The following CCDC73 variants were observed in gnomAD, a reference collection of about 807,000 sequenced individuals.
CCDC73 encodes the protein coiled-coil domain containing 73.
CCDC73 carries 95 observed loss-of-function variants against 116.5 expected under a neutral mutation model. That is an observed-to-expected ratio of 0.82 (90% CI 0.69 to 0.97). The LOEUF (loss-of-function observed/expected upper bound fraction) is 0.97. CCDC73 is among the 50% of genes least tolerant of loss of function. The pLI, the probability that CCDC73 is intolerant of heterozygous loss-of-function variation, is 0.00. For missense variants in CCDC73, 1,066 were observed against 1,206.8 expected (o/e 0.88, Z 1.73); for synonymous variants, 398 against 401.3 (o/e 0.99, Z 0.10).
At chr11:32,707,814 T>G (rs1849868399) in intron 3 of CCDC73, among the ~76,000 whole-genome samples, 1 of 152,168 alleles carries the variant, frequency 6.6e-6, no homozygotes, top group Non-Finnish European at 1.5e-5. Context: ...AGAATTTTTC[T>G]GGGTTTCACT....
intron 1 of CCDC73, among the ~76,000 whole-genome samples, chr11:32,783,508 C>T (rs1350991065): frequency 1.3e-5 from 2 of 152,128 alleles, no homozygotes; most frequent in African/African-American, 4.8e-5. Context: ...ATTTATTTCT[C>T]GCAGTTCTGG....
chr11:32,790,003 T>C (rs1006764181), intron 1 of CCDC73, among the ~76,000 whole-genome samples: 17 of 152,062 alleles, frequency 1.1e-4, no homozygotes, highest in African/African-American at 3.6e-4. Context: ...AAGGGTATTT[T>C]AGAGGGAAAA....
rs540144258 is a variant in CCDC73, at chr11:32,653,277, T to C, written c.835-50A>G. On this transcript the variant is annotated intron_variant, in intron 11 of 17. Transcript: ENST00000335185. Reference sequence around the variant, plus strand: ...ATTTAAAAGTTTTAAGATAGGTATGTTTCTAAAATCATTCTTCACATACAT... The same window carrying C: ...ATTTAAAAGTTTTAAGATAGGTATGCTTCTAAAATCATTCTTCACATACAT... The C allele has an allele frequency of 7.7e-6, 9 of 1,175,120 alleles. No homozygotes were observed. In the African/African-American group the frequency reaches 1.1e-4, roughly 14 times the overall value. 72.8% of individuals were successfully genotyped at this position (1,175,120 alleles called of 1,614,324 possible). A position where few individuals can be genotyped will look rare whatever the true frequency, so the allele number is the denominator to read the frequency against.
At chr11:32,706,047 G>A (rs1849852850) in intron 3 of CCDC73, among the ~76,000 whole-genome samples, 1 of 149,846 alleles carries the variant, frequency 6.7e-6, no homozygotes, top group Non-Finnish European at 1.5e-5. Context: ...GGCAAAGTGA[G>A]AACATCACAA....
intron 14 of CCDC73, among the ~76,000 whole-genome samples, chr11:32,635,172 C>T (rs527311235): frequency 1.5e-5 from 1 of 68,606 alleles, no homozygotes; most frequent in South Asian, 4.3e-4. Flanking sequence ...AGACTCAATG[C>T]CAAATAAAAC....
chr11:32,742,810 T>A (rs1049412405), intron 2 of CCDC73, among the ~76,000 whole-genome samples: 2 of 152,214 alleles, frequency 1.3e-5, no homozygotes, highest in Non-Finnish European at 2.9e-5. Flanking sequence ...AAGTCTTTGA[T>A]CCATCTTGAG....
chr11:32,784,914 C>T (rs1850613866), intron 1 of CCDC73, among the ~76,000 whole-genome samples: 1 of 152,188 alleles, frequency 6.6e-6, no homozygotes. Context: ...TGGCTCATGC[C>T]TGTAATCCCA....
intron 16 of CCDC73, 142 bp from the exon 17 acceptor site, chr11:32,611,407 C>A: frequency 1.4e-6 from 1 of 691,658 alleles, no homozygotes; most frequent in Non-Finnish European, 2.4e-6. Flanking sequence ...TGCAGTTGTC[C>A]TAGACTTTGC....
chr11:32,616,637 TGCCAG>T (rs1855477067), intron 14 of CCDC73, among the ~76,000 whole-genome samples: 1 of 152,210 alleles, frequency 6.6e-6, no homozygotes, highest in Non-Finnish European at 1.5e-5. Flanking sequence ...CTCACCACCA[TGCCAG>T]GTGAAGCAGT....
At chr11:32,638,291 A>T (rs893248060) in intron 13 of CCDC73, among the ~76,000 whole-genome samples, 3 of 152,146 alleles carry the variant, frequency 2.0e-5, no homozygotes, top group Admixed American at 2.0e-4. Flanking sequence ...TGTGTCACTT[A>T]TTTGTTTTAA....
At chr11:32,635,472 G>A (rs12275081) in intron 14 of CCDC73, among the ~76,000 whole-genome samples, 55 of 152,088 alleles carry the variant, frequency 3.6e-4, no homozygotes, top group African/African-American at 1.2e-3. Context: ...TAGTGTTTTC[G>A]ACAAATATTT....
In CCDC73 at chr11:32,755,617, G is replaced by A. The variant is rs190649068; in HGVS notation, c.135+4492C>T. Reference sequence around the variant, plus strand: ...TATATATATCCATATATATGTGTGTGTATATATATATCTCCATATATATGT... The same window carrying A: ...TATATATATCCATATATATGTGTGTATATATATATATCTCCATATATATGT... On this transcript the variant is annotated intron_variant, in intron 2 of 17. Coordinates refer to ENST00000335185, the MANE Select transcript of CCDC73 (RefSeq NM_001008391.4). Among the ~76,000 whole-genome samples the A allele has an allele frequency of 7.5e-3, 462 of 61,760 alleles. 18 individuals are homozygous for A. Among genetic ancestry groups the A allele is most frequent in the African/African-American group, 0.014 (233 of 16,580 alleles). The allele number at this position is 61,760 out of a possible 152,430, so 40.5% of individuals were successfully genotyped here.
At chr11:32,684,333 G>A (rs767738279) in intron 6 of CCDC73, among the ~76,000 whole-genome samples, 111 of 152,218 alleles carry the variant, frequency 7.3e-4, no homozygotes, top group Admixed American at 4.4e-3. Flanking sequence ...GATTACAGGT[G>A]TAAGCCACCA....
intron 2 of CCDC73, among the ~76,000 whole-genome samples, chr11:32,722,260 A>C (rs1203006405): frequency 6.6e-6 from 1 of 152,226 alleles, no homozygotes; most frequent in Non-Finnish European, 1.5e-5. Context: ...CAAGTCAGAG[A>C]ACATCTTGCA....
At chr11:32,704,072 C>T (rs1849835036) in intron 3 of CCDC73, among the ~76,000 whole-genome samples, 2 of 152,200 alleles carry the variant, frequency 1.3e-5, no homozygotes, top group Admixed American at 6.5e-5. Context: ...GCCAAGGCTA[C>T]GGCTCTGCAA....
chr11:32,777,140 C>A (rs1850544946), intron 1 of CCDC73, among the ~76,000 whole-genome samples: 1 of 145,180 alleles, frequency 6.9e-6, no homozygotes, highest in African/African-American at 2.5e-5. Context: ...CCTCTGTCAC[C>A]CAGGCTGGAG....
chr11:32,828,818 G>A, the CCDC73 span, among the ~76,000 whole-genome samples: 1 of 152,142 alleles, frequency 6.6e-6, no homozygotes, highest in Non-Finnish European at 1.5e-5. Context: ...CATTAAAACT[G>A]AGAAATTTTC....
intron 1 of CCDC73, among the ~76,000 whole-genome samples, chr11:32,784,948 C>T (rs2900978): frequency 0.57 from 86,312 of 151,918 alleles, 24,895 homozygotes; most frequent in East Asian, 0.84. Context: ...CCAAGGCAGG[C>T]GGATCATTTG....
At chr11:32,702,318 T>A (rs1849820825) in intron 4 of CCDC73, among the ~76,000 whole-genome samples, 1 of 152,222 alleles carries the variant, frequency 6.6e-6, no homozygotes, top group Non-Finnish European at 1.5e-5. Context: ...CAAGAAAAGC[T>A]ACAGAATTGA....
Sources: gnomAD v4.1 joint callset for allele counts (sites outside exome capture counted in the v4.1 genomes callset) on GRCh38, gnomAD v4.1.1 for gene constraint, MANE v1.5 for transcripts, NCBI Gene and HGNC (gene_info 2026-07-23, HGNC 2026-07-21) for gene names.